The following BAIAP2L1 variants were observed in gnomAD, a reference collection of about 807,000 sequenced individuals.
BAIAP2L1 encodes the protein BAR/IMD domain-containing adapter protein 2-like 1.
A neutral mutation model predicts 66.3 loss-of-function variants in BAIAP2L1; 35 were observed. That is an observed-to-expected ratio of 0.53 (90% CI 0.40 to 0.70). The LOEUF (loss-of-function observed/expected upper bound fraction) is 0.70, where lower values mean the gene tolerates loss of function less well. Among genes scored for constraint, BAIAP2L1 ranks in the 30% least tolerant of loss-of-function variants. The probability of loss-of-function intolerance (pLI) is 0.00; values close to 1 mark genes in which losing one functional copy is unlikely to be tolerated. For missense variants in BAIAP2L1, 622 were observed against 656.9 expected (o/e 0.95, Z 0.58); for synonymous variants, 269 against 248.7 (o/e 1.08, Z -0.77).
Position 98,356,665 on chromosome 7 carries a change from T to TA in BAIAP2L1, c.128-1538dup, listed in dbSNP as rs35660519. On this transcript the variant is annotated intron_variant, in intron 2 of 13. Transcript: ENST00000005260. ...GCACGTGCCACCATTCCTGGCTAAT[T>TA]AAAAAAAAAAAAAAAAAAAAAATTG... Among the ~76,000 whole-genome samples the TA allele has an allele frequency of 1.6e-3, 176 of 106,762 alleles. 1 individual carries two copies. Among genetic ancestry groups the TA allele is most frequent in the South Asian group, 4.5e-3 (13 of 2,892 alleles). The allele number at this position is 106,762 out of a possible 152,430, so 70.0% of individuals were successfully genotyped here. A position where few individuals can be genotyped will look rare whatever the true frequency, so the allele number is the denominator to read the frequency against.
At chr7:98,397,655 G>T (rs909055504) in intron 1 of BAIAP2L1, among the ~76,000 whole-genome samples, 1 of 152,080 alleles carries the variant, frequency 6.6e-6, no homozygotes, top group African/African-American at 2.4e-5. Context: ...ACAGTTCTAG[G>T]AAGGCTGTGG....
At chr7:98,294,487 C>T (rs988432562) in intron 12 of BAIAP2L1, among the ~76,000 whole-genome samples, 4 of 152,308 alleles carry the variant, frequency 2.6e-5, no homozygotes, top group South Asian at 2.1e-4. Context: ...ACTGCCTGCG[C>T]GGGTCACCCG....
chr7:98,394,365 A>C (rs1803150443), intron 1 of BAIAP2L1, among the ~76,000 whole-genome samples: 1 of 152,212 alleles, frequency 6.6e-6, no homozygotes, highest in South Asian at 2.1e-4. Context: ...AGTGACTACC[A>C]CAACTGTATG....
chr7:98,315,914 G>A (rs959014818), intron 6 of BAIAP2L1, among the ~76,000 whole-genome samples: 2 of 152,124 alleles, frequency 1.3e-5, no homozygotes, highest in East Asian at 3.8e-4. Flanking sequence ...AAGCACCACG[G>A]GCTTTGGAAC....
intron 3 of BAIAP2L1, among the ~76,000 whole-genome samples, chr7:98,329,599 T>C (rs1801448296): frequency 1.3e-5 from 2 of 151,944 alleles, no homozygotes; most frequent in South Asian, 2.1e-4. Context: ...ATGTTCTCTG[T>C]ACGGAAGGCC....
intron 6 of BAIAP2L1, among the ~76,000 whole-genome samples, chr7:98,316,405 G>GT (rs1801077550): frequency 6.6e-6 from 1 of 152,156 alleles, no homozygotes; most frequent in South Asian, 2.1e-4. Context: ...ATCATGGAGA[G>GT]TCCCTTCTTC....
chr7:98,326,812 G>A (rs138574758), intron 3 of BAIAP2L1, among the ~76,000 whole-genome samples: 550 of 152,166 alleles, frequency 3.6e-3, no homozygotes, highest in African/African-American at 0.013. Flanking sequence ...GTGTTGACAA[G>A]GAAAGAGAGG....
At chr7:98,326,441 A>C (rs925854262) in intron 3 of BAIAP2L1, among the ~76,000 whole-genome samples, 3 of 152,168 alleles carry the variant, frequency 2.0e-5, no homozygotes, top group African/African-American at 7.2e-5. Flanking sequence ...GAGACATTGT[A>C]AGTTACTGTA....
intron 2 of BAIAP2L1, chr7:98,355,556 C>CCAA (rs761350534): frequency 1.7e-5 from 2 of 116,458 alleles, no homozygotes; most frequent in Non-Finnish European, 3.5e-5. Flanking sequence ...CCCGCCTCTA[C>CCAA]AAAAAAAAAA....
intron 10 of BAIAP2L1, chr7:98,307,422 T>TA: frequency 7.7e-7 from 1 of 1,297,676 alleles, no homozygotes; most frequent in Non-Finnish European, 9.8e-7. Flanking sequence ...AAATTTTTTT[T>TA]AAAAACAAAA....
chr7:98,334,286 C>T (rs961630353), intron 3 of BAIAP2L1, among the ~76,000 whole-genome samples: 1 of 152,110 alleles, frequency 6.6e-6, no homozygotes, highest in East Asian at 1.9e-4. Context: ...TCAGTGCACC[C>T]AAGAGTTATA....
In BAIAP2L1 at chr7:98,357,582, AGTAC is replaced by A. The variant is rs2115706360; in HGVS notation, c.128-2458_128-2455del. Among the ~76,000 whole-genome samples the A allele has an allele frequency of 2.0e-5, 3 of 149,700 alleles. No homozygotes were observed. In the South Asian group the frequency reaches 6.3e-4, roughly 32 times the overall value. ...CTCAGTCTCAAAAAAAAAAAAAAAAAGTACATATATATTTATATATATATAAAAG... is the reference window on the plus strand; with the variant it reads ...CTCAGTCTCAAAAAAAAAAAAAAAAAATATATATTTATATATATATAAAAG... On this transcript the variant is annotated intron_variant, in intron 2 of 13. Transcript: ENST00000005260.
chr7:98,351,953 C>T (rs1802010021), intron 3 of BAIAP2L1, among the ~76,000 whole-genome samples: 1 of 152,056 alleles, frequency 6.6e-6, no homozygotes, highest in South Asian at 2.1e-4. Flanking sequence ...GTGATAACAC[C>T]CCTTCGAGTT....
chr7:98,355,488 C>T (rs898244621), intron 2 of BAIAP2L1: 1 of 203,842 alleles, frequency 4.9e-6, no homozygotes, highest in African/African-American at 2.2e-5. Context: ...GTAATCCCAG[C>T]CCTTTGGGAG....
At chr7:98,308,479 C>T in intron 9 of BAIAP2L1, 1 of 365,064 alleles carries the variant, frequency 2.7e-6, no homozygotes, top group South Asian at 2.0e-5. Context: ...CCGCCAGGCT[C>T]CCAGGAGGAA....
rs562335347 is a variant in BAIAP2L1 at position 98,315,124 on chromosome 7, T to C, written c.639+336A>G. The stretch of plus-strand genomic sequence containing the variant: ...TGGCGTGCATGTGTGTATATCTCTG[T>C]ACGTATGGACTGATTGAGACAGGGT... On this transcript the variant is annotated intron_variant, in intron 7 of 13. Coordinates refer to ENST00000005260, the MANE Select transcript of BAIAP2L1 (RefSeq NM_018842.5). Among the ~76,000 whole-genome samples, 3 of 152,112 alleles carry C rather than the reference T, an allele frequency of 2.0e-5. No individual in the cohort carries two copies. In the South Asian group the frequency reaches 6.2e-4, roughly 32 times the overall value.
At chr7:98,383,464 T>G (rs920763567) in intron 1 of BAIAP2L1, among the ~76,000 whole-genome samples, 1 of 151,842 alleles carries the variant, frequency 6.6e-6, no homozygotes, top group African/African-American at 2.4e-5. Flanking sequence ...TTTTTGTATT[T>G]TTAGTAGAGA....
At chr7:98,369,903 C>T (rs1371241460) in intron 1 of BAIAP2L1, among the ~76,000 whole-genome samples, 2 of 151,886 alleles carry the variant, frequency 1.3e-5, no homozygotes, top group Non-Finnish European at 1.5e-5. Flanking sequence ...AACTCCTGAC[C>T]GCAAGTGATT....
At chr7:98,309,515 A>C (rs1800794319) in intron 9 of BAIAP2L1, 1 of 152,324 alleles carries the variant, frequency 6.6e-6, no homozygotes, top group East Asian at 1.9e-4. Context: ...AATCACTGGG[A>C]TGCACAGAGT....
Sources: gnomAD v4.1 joint callset for allele counts (sites outside exome capture counted in the v4.1 genomes callset) on GRCh38, gnomAD v4.1.1 for gene constraint, MANE v1.5 for transcripts, NCBI Gene and HGNC (gene_info 2026-07-23, HGNC 2026-07-21) for gene names.